Variants in GABRA5 observed in about 807,000 individuals in gnomAD.
GABRA5 encodes gamma-aminobutyric acid type A receptor subunit alpha5.
In GABRA5, 18 loss-of-function variants were observed where a neutral mutation model predicts 47.3. The ratio of observed to expected loss-of-function variants is 0.38; its 90% confidence interval spans 0.26 to 0.56. The LOEUF (loss-of-function observed/expected upper bound fraction) is 0.56, where lower values mean the gene tolerates loss of function less well. Among genes scored for constraint, GABRA5 ranks in the 20% least tolerant of loss-of-function variants. The pLI is 0.71. For missense variants in GABRA5, 365 were observed against 599.3 expected (o/e 0.61, Z 4.08); for synonymous variants, 237 against 229.3 (o/e 1.03, Z -0.30).
intron 8 of GABRA5, among the ~76,000 whole-genome samples, chr15:26,938,966 T>A (rs959710444): frequency 6.6e-6 from 1 of 152,218 alleles, no homozygotes; most frequent in Non-Finnish European, 1.5e-5. Flanking sequence ...ACGCAGTCCC[T>A]GCAGCAGCAG....
intron 6 of GABRA5, among the ~76,000 whole-genome samples, chr15:26,894,376 C>T (rs1254291385): frequency 6.6e-6 from 1 of 152,184 alleles, no homozygotes; most frequent in Non-Finnish European, 1.5e-5. Context: ...TTCTCACTGC[C>T]GGCCTCGCGG....
intron 7 of GABRA5, among the ~76,000 whole-genome samples, chr15:26,934,852 G>C (rs925734465): frequency 8.5e-5 from 13 of 152,222 alleles, no homozygotes; most frequent in Non-Finnish European, 1.6e-4. Context: ...GGCTAGGAGA[G>C]GACAGGCAGG....
chr15:26,897,930 A>C (rs138815479), intron 6 of GABRA5, among the ~76,000 whole-genome samples: 2 of 152,146 alleles, frequency 1.3e-5, no homozygotes, highest in African/African-American at 4.8e-5. Context: ...AGTTCATGAC[A>C]CTTGGGGACT....
chr15:26,921,451 G>A (rs1223186560), intron 7 of GABRA5, among the ~76,000 whole-genome samples: 1 of 152,076 alleles, frequency 6.6e-6, no homozygotes, highest in East Asian at 1.9e-4. Flanking sequence ...AGTGTCTGTA[G>A]TGATATCTCT....
chr15:26,897,223 G>T (rs891683079), intron 6 of GABRA5, among the ~76,000 whole-genome samples: 3 of 152,118 alleles, frequency 2.0e-5, no homozygotes, highest in African/African-American at 7.2e-5. Flanking sequence ...GAATGCGACT[G>T]CATTTGGCGA....
intron 3 of GABRA5, among the ~76,000 whole-genome samples, chr15:26,869,601 C>T (rs549742084): frequency 1.3e-5 from 2 of 152,294 alleles, no homozygotes; most frequent in African/African-American, 2.4e-5. Flanking sequence ...AGATGATATC[C>T]GAGTCAGCTG....
At chr15:26,939,549 G>A (rs1478685170) in intron 8 of GABRA5, 2 of 632,578 alleles carry the variant, frequency 3.2e-6, no homozygotes, top group Non-Finnish European at 5.7e-6. Context: ...TCCACCCTCT[G>A]CAGGGCTCTG....
chr15:26,929,037 G>A (rs77200310), intron 7 of GABRA5, among the ~76,000 whole-genome samples: 29,336 of 140,676 alleles, frequency 0.21, 3,561 homozygotes, highest in Non-Finnish European at 0.27. Flanking sequence ...ATTTTGGGGG[G>A]GACACAGTTA....
chr15:26,893,474 T>A (rs1893092282), intron 6 of GABRA5, among the ~76,000 whole-genome samples: 1 of 1,564 alleles, frequency 6.4e-4, no homozygotes, highest in Admixed American at 5.8e-3. Context: ...CTATGTGAAG[T>A]TATGAGCAGG....
chr15:26,884,738 G>T (rs1483383310), intron 6 of GABRA5, among the ~76,000 whole-genome samples: 1 of 152,136 alleles, frequency 6.6e-6, no homozygotes, highest in Non-Finnish European at 1.5e-5. Context: ...ACTAAATTTT[G>T]TTCAGAGGTC....
intron 1 of GABRA5, chr15:26,868,203 C>T (rs1255995996): frequency 2.0e-5 from 3 of 152,044 alleles, no homozygotes; most frequent in Non-Finnish European, 4.4e-5. Context: ...GGGTTTCCCG[C>T]ATGCAGCGCC....
intron 4 of GABRA5, among the ~76,000 whole-genome samples, chr15:26,881,872 G>A (rs1457565064): frequency 1.3e-5 from 2 of 152,016 alleles, no homozygotes; most frequent in Non-Finnish European, 2.9e-5. Flanking sequence ...GCTAATTTTT[G>A]TGTTTTTAGT....
intron 9 of GABRA5, 43 bp downstream of exon 9, chr15:26,940,120 C>T: frequency 6.4e-7 from 1 of 1,562,734 alleles, no homozygotes. Flanking sequence ...TGTTTTGTGA[C>T]TGACCCTAAC....
At chr15:26,937,073 G>T in intron 7 of GABRA5, 112 bp from the exon 8 acceptor site, 1 of 1,355,776 alleles carries the variant, frequency 7.4e-7, no homozygotes, top group Non-Finnish European at 1.1e-6. Context: ...ATGGAACCTT[G>T]ACTTTTCAAA....
chr15:26,937,118 G>T (rs984348042), intron 7 of GABRA5, 67 bp from the exon 8 acceptor site: 1 of 1,569,138 alleles, frequency 6.4e-7, no homozygotes, highest in South Asian at 1.1e-5. Flanking sequence ...TTTAGTAAAA[G>T]CTTCTGTGTT....
At chr15:26,920,655 T>A (rs535762238) in intron 7 of GABRA5, among the ~76,000 whole-genome samples, 1 of 152,308 alleles carries the variant, frequency 6.6e-6, no homozygotes, top group Non-Finnish European at 1.5e-5. Context: ...CTTTATATTC[T>A]GTATTTGGTG....
intron 7 of GABRA5, among the ~76,000 whole-genome samples, chr15:26,927,504 A>G (rs1428806293): frequency 6.6e-6 from 1 of 152,210 alleles, no homozygotes; most frequent in African/African-American, 2.4e-5. Flanking sequence ...AAAAACAATA[A>G]GAATGATTTT....
intron 6 of GABRA5, among the ~76,000 whole-genome samples, chr15:26,910,275 C>T (rs1893548646): frequency 6.6e-6 from 1 of 152,022 alleles, no homozygotes; most frequent in Non-Finnish European, 1.5e-5. Context: ...ATTACGATGA[C>T]ATAAATCCAA....
chr15:26,934,083 T>A (rs1044566794), intron 7 of GABRA5, among the ~76,000 whole-genome samples: 2 of 151,560 alleles, frequency 1.3e-5, no homozygotes, highest in Non-Finnish European at 2.9e-5. Context: ...CAAAACCCCA[T>A]CTATACAAAA....
Sources: gnomAD v4.1 joint callset for allele counts (sites outside exome capture counted in the v4.1 genomes callset) on GRCh38, gnomAD v4.1.1 for gene constraint, MANE v1.5 for transcripts, NCBI Gene and HGNC (gene_info 2026-07-23, HGNC 2026-07-21) for gene names.